SPIRE1: variants seen among roughly 807,000 people sequenced by gnomAD.
SPIRE1 encodes protein spire homolog 1.
Under a neutral mutation model 94.1 loss-of-function variants are expected in SPIRE1, and 40 were observed. The ratio of observed to expected loss-of-function variants is 0.43; its 90% CI spans 0.33 to 0.55. The LOEUF (loss-of-function observed/expected upper bound fraction) is 0.55. Among genes scored for constraint, SPIRE1 ranks in the 20% least tolerant of loss-of-function variants. SPIRE1 has a pLI of 0.06. For synonymous variants in SPIRE1, 376 were observed against 371.7 expected (o/e 1.01, Z -0.13); for missense variants, 838 against 975.2 (o/e 0.86, Z 1.87).
chr18:12,539,854 G>C (rs1231633631), intron 3 of SPIRE1, among the ~76,000 whole-genome samples: 1 of 151,360 alleles, frequency 6.6e-6, no homozygotes, highest in Non-Finnish European at 1.5e-5. Context: ...TTGAACCCGG[G>C]AGGTGGAGGC....
At chr18:12,569,032 A>G (rs954441972) in intron 2 of SPIRE1, among the ~76,000 whole-genome samples, 8 of 152,152 alleles carry the variant, frequency 5.3e-5, no homozygotes, top group African/African-American at 1.9e-4. Flanking sequence ...AAATTAACCC[A>G]TACTCTTAGA....
At chr18:12,469,781 G>A (rs1036766027) in intron 10 of SPIRE1, among the ~76,000 whole-genome samples, 3 of 144,610 alleles carry the variant, frequency 2.1e-5, no homozygotes, top group Non-Finnish European at 4.5e-5. Context: ...CACTTTACGA[G>A]GTCTCATGAG....
chr18:12,496,145 G>T, intron 6 of SPIRE1, 43 bp from the exon 7 acceptor site: 2 of 1,362,506 alleles, frequency 1.5e-6, no homozygotes, highest in Non-Finnish European at 1.1e-6. Context: ...GACTATATAA[G>T]ACTATCATGA....
At chr18:12,528,056 C>CAA (rs149869128) in intron 4 of SPIRE1, among the ~76,000 whole-genome samples, 3,047 of 138,364 alleles carry the variant, frequency 0.022, 72 homozygotes, top group African/African-American at 0.064. Context: ...GACTCTATCT[C>CAA]AAAAAAAAAA....
At chr18:12,494,226 C>T (rs1371870885) in intron 7 of SPIRE1, among the ~76,000 whole-genome samples, 1 of 152,124 alleles carries the variant, frequency 6.6e-6, no homozygotes, top group East Asian at 1.9e-4. Flanking sequence ...GAACACCCCG[C>T]TCTACTGTTT....
intron 2 of SPIRE1, among the ~76,000 whole-genome samples, chr18:12,614,513 T>C (rs2037228747): frequency 6.6e-6 from 1 of 152,148 alleles, no homozygotes; most frequent in African/African-American, 2.4e-5. Context: ...GAATGCAATA[T>C]GCAATTAAAA....
chr18:12,496,419 C>T (rs2033459749), intron 6 of SPIRE1, among the ~76,000 whole-genome samples: 1 of 152,154 alleles, frequency 6.6e-6, no homozygotes, highest in African/African-American at 2.4e-5. Flanking sequence ...CTTTTTACCT[C>T]TTATTTTCCT....
At chr18:12,466,050 C>T (rs535011009) in intron 10 of SPIRE1, among the ~76,000 whole-genome samples, 1 of 150,948 alleles carries the variant, frequency 6.6e-6, no homozygotes, top group East Asian at 2.0e-4. Context: ...CATCACTGCA[C>T]TCCAGCCTGG....
intron 2 of SPIRE1, among the ~76,000 whole-genome samples, chr18:12,563,640 T>G (rs556461962): frequency 4.7e-4 from 72 of 152,366 alleles, no homozygotes; most frequent in African/African-American, 1.6e-3. Context: ...GAAATATGTA[T>G]TGTCCTTTTC....
At chr18:12,607,391 C>A (rs916189274) in intron 2 of SPIRE1, among the ~76,000 whole-genome samples, 1 of 152,114 alleles carries the variant, frequency 6.6e-6, no homozygotes, top group African/African-American at 2.4e-5. Flanking sequence ...ATCAACAAAA[C>A]CATAGTTCTT....
rs546944615 is a variant in SPIRE1 at position 12,603,973 on chromosome 18, A to G, written c.372+31089T>C. ...TTGGGGAGCTTCCAGAGAGCTGAAC[A>G]TGTGGGGGCTCCTGGCGGGTGGTGA... On this transcript the variant is annotated intron_variant, in intron 2 of 16. Coordinates refer to ENST00000409402, the MANE Select transcript of SPIRE1 (RefSeq NM_001128626.2). Among the ~76,000 whole-genome samples, 4 of 152,250 alleles carry G rather than the reference A, an allele frequency of 2.6e-5. No homozygotes were observed. The South Asian group carries it at 8.3e-4, about 32-fold the overall frequency.
intron 2 of SPIRE1, among the ~76,000 whole-genome samples, chr18:12,556,809 A>G (rs965707209): frequency 6.6e-6 from 1 of 152,114 alleles, no homozygotes; most frequent in Non-Finnish European, 1.5e-5. Flanking sequence ...CAGCAGCAAG[A>G]TTTACTGCAA....
At chr18:12,518,497 C>T (rs1264187910) in intron 4 of SPIRE1, among the ~76,000 whole-genome samples, 1 of 147,272 alleles carries the variant, frequency 6.8e-6, no homozygotes, top group South Asian at 2.1e-4. Flanking sequence ...GTCTCACACA[C>T]ACAAAAAAAA....
intron 7 of SPIRE1, 98 bp from the exon 8 acceptor site, chr18:12,493,299 C>G: frequency 7.4e-6 from 8 of 1,084,994 alleles, no homozygotes; most frequent in Non-Finnish European, 1.1e-5. Flanking sequence ...ATTTCATTGA[C>G]TGGAACACTG....
At chr18:12,479,580 A>T in intron 10 of SPIRE1, 119 bp downstream of exon 10, 1 of 920,252 alleles carries the variant, frequency 1.1e-6, no homozygotes, top group Non-Finnish European at 1.6e-6. Flanking sequence ...TCCTAGCTTT[A>T]CTGGTTGAAA....
At chr18:12,478,432 GTGTA>G (rs896546157) in intron 10 of SPIRE1, among the ~76,000 whole-genome samples, 6 of 151,036 alleles carry the variant, frequency 4.0e-5, no homozygotes, top group Non-Finnish European at 7.4e-5. Context: ...AAGCGAGGGT[GTGTA>G]TGTGTGTGTG....
chr18:12,509,334 T>C (rs1412043206), intron 5 of SPIRE1, among the ~76,000 whole-genome samples: 1 of 152,220 alleles, frequency 6.6e-6, no homozygotes, highest in East Asian at 1.9e-4. Context: ...GAAGGTGGCT[T>C]ATAGTAAGAA....
At chr18:12,602,872 T>C (rs35160505) in intron 2 of SPIRE1, among the ~76,000 whole-genome samples, 11,201 of 152,270 alleles carry the variant, frequency 0.074, 578 homozygotes, top group Non-Finnish European at 0.11. Flanking sequence ...CCCATAAGAA[T>C]GGTCAACGGC....
chr18:12,476,969 CTCTTTTCGGCAATTTA>C (rs2032628157), intron 10 of SPIRE1, among the ~76,000 whole-genome samples: 1 of 152,152 alleles, frequency 6.6e-6, no homozygotes, highest in Non-Finnish European at 1.5e-5. Flanking sequence ...TCTCACATTT[CTCTTTTCGGCAATTTA>C]TTGCTTGCTT....
Sources: allele counts gnomAD v4.1 joint callset (sites outside exome capture counted in the v4.1 genomes callset), GRCh38; gene constraint gnomAD v4.1.1; transcripts MANE v1.5; gene names NCBI Gene and HGNC (gene_info 2026-07-23, HGNC 2026-07-21).